Variants in VWC2L observed in about 807,000 individuals in gnomAD.
The protein encoded by VWC2L is von Willebrand factor C domain-containing protein 2-like.
VWC2L carries 10 observed loss-of-function variants against 21.6 expected under a neutral mutation model. The observed-to-expected ratio is 0.46, with a 90% CI of 0.29 to 0.78. The LOEUF is 0.78. VWC2L is among the 30% of genes least tolerant of loss of function. The pLI is 0.10. For synonymous variants in VWC2L, 96 were observed against 94.3 expected (o/e 1.02, Z -0.10); for missense variants, 209 against 277.1 (o/e 0.75, Z 1.74).
chr2:214,454,276 A>G (rs1003979993), intron 3 of VWC2L, among the ~76,000 whole-genome samples: 1 of 151,978 alleles, frequency 6.6e-6, no homozygotes, highest in African/African-American at 2.4e-5. Context: ...TTAGTTTTTT[A>G]TCTTATTGTG....
At chr2:214,519,309 C>T (rs1478764839) in intron 3 of VWC2L, among the ~76,000 whole-genome samples, 1 of 152,158 alleles carries the variant, frequency 6.6e-6, no homozygotes, top group Non-Finnish European at 1.5e-5. Flanking sequence ...AAGCACCTTT[C>T]ATGGTCCTAG....
At chr2:214,443,152 C>T (rs1260416876) in intron 3 of VWC2L, among the ~76,000 whole-genome samples, 1 of 151,852 alleles carries the variant, frequency 6.6e-6, no homozygotes. Flanking sequence ...AAGCTGTAGC[C>T]GGCAGATCAC....
intron 3 of VWC2L, among the ~76,000 whole-genome samples, chr2:214,486,901 C>T (rs1435932476): frequency 6.6e-6 from 1 of 152,146 alleles, no homozygotes; most frequent in East Asian, 1.9e-4. Flanking sequence ...TTGTGACCTC[C>T]CAAAATTCCT....
chr2:214,427,753 TA>T (rs1702546500), intron 2 of VWC2L, among the ~76,000 whole-genome samples: 1 of 152,202 alleles, frequency 6.6e-6, no homozygotes, highest in Non-Finnish European at 1.5e-5. Context: ...GCATATAGCC[TA>T]TGCACATTCT....
intron 3 of VWC2L, among the ~76,000 whole-genome samples, chr2:214,454,472 G>A (rs960242596): frequency 6.8e-5 from 10 of 146,832 alleles, no homozygotes; most frequent in African/African-American, 2.5e-4. Context: ...AAGATTTTGT[G>A]TGGGTTTTTT....
intron 3 of VWC2L, among the ~76,000 whole-genome samples, chr2:214,470,786 G>A (rs1703294280): frequency 6.6e-6 from 1 of 151,886 alleles, no homozygotes; most frequent in African/African-American, 2.4e-5. Context: ...ATTGGCACAT[G>A]CCTGTAATCC....
chr2:214,471,057 A>C (rs55733403), intron 3 of VWC2L, among the ~76,000 whole-genome samples: 19,456 of 152,096 alleles, frequency 0.13, 1,591 homozygotes, highest in Non-Finnish European at 0.17. Flanking sequence ...CATGAGTTTA[A>C]ATTGATTTTT....
In VWC2L at chr2:214,436,614, T is replaced by C. The variant is rs1366126274; in HGVS notation, c.391-15T>C. On this transcript the variant is annotated splice_polypyrimidine_tract_variant and intron_variant, in intron 2 of 3. Coordinates refer to ENST00000312504, the MANE Select transcript of VWC2L (RefSeq NM_001080500.4). Reference sequence around the variant, plus strand: ...GTTATAGGAGAAAAGGGGCTAATTTTAGATTTGTTCCTAGCCCTCTCCATG... The same window carrying C: ...GTTATAGGAGAAAAGGGGCTAATTTCAGATTTGTTCCTAGCCCTCTCCATG... The C allele has an allele frequency of 6.2e-6, 10 of 1,612,020 alleles. No homozygotes were observed. Among genetic ancestry groups the C allele is most frequent in the Non-Finnish European group, 7.6e-6 (9 of 1,178,582 alleles).
intron 2 of VWC2L, among the ~76,000 whole-genome samples, chr2:214,431,071 T>C (rs979294030): frequency 6.6e-5 from 10 of 152,228 alleles, no homozygotes; most frequent in African/African-American, 2.2e-4. Flanking sequence ...TTAAAACCCA[T>C]TGGATCAGTT....
intron 2 of VWC2L, 58 bp downstream of exon 2, chr2:214,414,641 A>T: frequency 6.5e-7 from 1 of 1,535,252 alleles, no homozygotes; most frequent in Admixed American, 2.2e-5. Flanking sequence ...CGTGCTTAGT[A>T]CATTGCTACA....
At chr2:214,422,079 G>A (rs1473860768) in intron 2 of VWC2L, among the ~76,000 whole-genome samples, 1 of 150,456 alleles carries the variant, frequency 6.6e-6, no homozygotes, top group Non-Finnish European at 1.5e-5. Flanking sequence ...TAGTAGAGAC[G>A]GGGTTTCACC....
intron 3 of VWC2L, among the ~76,000 whole-genome samples, chr2:214,538,633 A>T (rs1046422092): frequency 2.7e-5 from 4 of 146,464 alleles, no homozygotes; most frequent in Non-Finnish European, 6.1e-5. Flanking sequence ...AGTATATATT[A>T]TTTAGTACAT....
chr2:214,453,716 AT>A (rs1377918952), intron 3 of VWC2L, among the ~76,000 whole-genome samples: 2 of 122,360 alleles, frequency 1.6e-5, no homozygotes, highest in Non-Finnish European at 1.6e-5. Flanking sequence ...GTCCCAAAGA[AT>A]TTTTTTTCTT....
intron 3 of VWC2L, among the ~76,000 whole-genome samples, chr2:214,483,868 G>A (rs1300294392): frequency 1.3e-5 from 2 of 152,124 alleles, no homozygotes; most frequent in South Asian, 4.1e-4. Flanking sequence ...GCCATATCAA[G>A]GTACCATGAA....
intron 3 of VWC2L, among the ~76,000 whole-genome samples, chr2:214,453,110 C>A (rs2126185505): frequency 6.6e-6 from 1 of 152,240 alleles, no homozygotes; most frequent in South Asian, 2.1e-4. Flanking sequence ...ATGAATTGTG[C>A]TTTTGGTTGT....
intron 3 of VWC2L, among the ~76,000 whole-genome samples, chr2:214,454,530 G>A (rs1361480252): frequency 1.4e-5 from 2 of 142,484 alleles, no homozygotes; most frequent in African/African-American, 5.2e-5. Context: ...ATTTTTGTGT[G>A]TCTCTTGAGA....
At position 214,414,429 on chromosome 2, in the gene VWC2L, C is replaced by G. The variant is rs369589307; in HGVS notation, c.236C>G (p.Ala79Gly). Residue 79 changes from alanine to glycine, a missense_variant, in exon 2 of 4, where the codon GCT becomes GGT. Coordinates refer to ENST00000312504, the MANE Select transcript of VWC2L (RefSeq NM_001080500.4). Reference sequence around the variant, plus strand: ...CATTCCAACTGTCCATGTGTCTGTGCTCTAGATGGACCTGTTTGCGACCAA... The same window carrying G: ...CATTCCAACTGTCCATGTGTCTGTGGTCTAGATGGACCTGTTTGCGACCAA... ...PGHSNCPCVC[A>G]LDGPVCDQPE... 7.4e-6 allele frequency: 12 copies of G among 1,613,398 alleles called. No homozygotes were observed. The African/African-American group carries it at 1.3e-4, about 18-fold the overall frequency.
chr2:214,411,856 C>G (rs1005662866), intron 1 of VWC2L, 70 bp downstream of exon 1: 1 of 151,940 alleles, frequency 6.6e-6, no homozygotes, highest in African/African-American at 2.4e-5. Context: ...TTTAAATCAT[C>G]TGTAGCAATA....
At chr2:214,557,828 T>G (rs1317431888) in intron 3 of VWC2L, among the ~76,000 whole-genome samples, 1 of 152,126 alleles carries the variant, frequency 6.6e-6, no homozygotes, top group Non-Finnish European at 1.5e-5. Context: ...GGTACTCTAG[T>G]CTCCCTAGCC....
Sources: allele counts gnomAD v4.1 joint callset (sites outside exome capture counted in the v4.1 genomes callset), GRCh38; gene constraint gnomAD v4.1.1; transcripts MANE v1.5; gene names NCBI Gene and HGNC (gene_info 2026-07-23, HGNC 2026-07-21).